The following ZC3H8 variants were observed in gnomAD, a reference collection of about 807,000 sequenced individuals.
ZC3H8 encodes the protein zinc finger CCCH-type containing 8, also known as zinc finger CCCH domain-containing protein 8.
In ZC3H8, 27 loss-of-function variants were observed where a neutral mutation model predicts 42.5. That is an observed-to-expected ratio of 0.64 (90% CI 0.47 to 0.88). ZC3H8 has a LOEUF of 0.88. Among genes scored for constraint, ZC3H8 ranks in the 40% least tolerant of loss-of-function variants. The pLI, the probability that ZC3H8 is intolerant of heterozygous loss-of-function variation, is 0.00. For synonymous variants in ZC3H8, 101 were observed against 110.1 expected (o/e 0.92, Z 0.52); for missense variants, 277 against 336.1 (o/e 0.82, Z 1.37).
chr2:112,232,979 AG>A (rs1685157403), intron 6 of ZC3H8, among the ~76,000 whole-genome samples: 1 of 152,224 alleles, frequency 6.6e-6, no homozygotes, highest in African/African-American at 2.4e-5. Context: ...GTGTCACAGT[AG>A]AAATTGTGAT....
In ZC3H8 at chr2:112,230,934, T is replaced by C; in HGVS notation, c.860A>G (p.Lys287Arg). 1 of 1,258,604 alleles carries C rather than the reference T, an allele frequency of 7.9e-7. No individual in the cohort carries two copies. Among genetic ancestry groups the C allele is most frequent in the Non-Finnish European group, 1.0e-6 (1 of 957,966 alleles). 78.0% of individuals were successfully genotyped at this position (1,258,604 alleles called of 1,614,324 possible). The change falls in exon 8 of 9, where the codon AAG becomes AGG. Residue 287 changes from lysine (K) to arginine (R), a missense_variant. By Grantham distance (26) the Lys-to-Arg change is conservative. Coordinates refer to ENST00000409573, the MANE Select transcript of ZC3H8 (RefSeq NM_032494.3). ...ELLAKVLDTE[K>R]KSCK ...ATGTCTATTTTATTTACATGACTTC[T>C]TTTCAGTATCCAAAACCTAATATAA...
intron 7 of ZC3H8, among the ~76,000 whole-genome samples, chr2:112,231,401 C>T (rs1166963410): frequency 6.6e-6 from 1 of 152,118 alleles, no homozygotes; most frequent in African/African-American, 2.4e-5. Flanking sequence ...TTTTCAATAA[C>T]CTTTTCTCAC....
Position 112,233,338 on chromosome 2 carries a change from T to C in ZC3H8, c.655A>G (p.Ile219Val). Residue 219 changes from isoleucine (I) to valine (V), a missense_variant, in exon 6 of 9, where the codon ATA becomes GTA. By Grantham distance (29) the Ile-to-Val change is conservative (BLOSUM62 3). Transcript: ENST00000409573. The part of the protein sequence containing the change: ...DQCKFDHDAE[I>V]EKKKEMCKFY... Reference sequence around the variant, plus strand: ...TTACACATTTCCTTTTTCTTTTCTATCTCTGCATCATGATCAAATTTACAC... The same window carrying C: ...TTACACATTTCCTTTTTCTTTTCTACCTCTGCATCATGATCAAATTTACAC... The C allele has an allele frequency of 6.3e-7, 1 of 1,596,342 alleles. No individual in the cohort carries two copies. Among genetic ancestry groups the C allele is most frequent in the Non-Finnish European group, 8.5e-7 (1 of 1,170,516 alleles).
chr2:112,223,046 G>A (rs1684657943), intron 8 of ZC3H8, among the ~76,000 whole-genome samples: 1 of 151,994 alleles, frequency 6.6e-6, no homozygotes, highest in African/African-American at 2.4e-5. Flanking sequence ...ACTCATAGGT[G>A]GGAATTGAAC....
chr2:112,236,779 G>A (rs1202220873), intron 3 of ZC3H8, 84 bp from the exon 4 acceptor site: 1 of 1,222,942 alleles, frequency 8.2e-7, no homozygotes, highest in Non-Finnish European at 1.1e-6. Flanking sequence ...AGGTGCAGTG[G>A]CTCATGTCTG....
intron 2 of ZC3H8, among the ~76,000 whole-genome samples, chr2:112,244,648 T>G (rs961470511): frequency 3.3e-5 from 5 of 152,244 alleles, no homozygotes; most frequent in African/African-American, 1.2e-4. Flanking sequence ...ATGTGTTCAC[T>G]CTGTGTCTCT....
chr2:112,223,594 G>A (rs568609123), intron 8 of ZC3H8, among the ~76,000 whole-genome samples: 1 of 152,124 alleles, frequency 6.6e-6, no homozygotes, highest in Admixed American at 6.5e-5. Context: ...GGGGCTACAA[G>A]CAAAATAGTA....
chr2:112,232,989 A>T (rs892896690), intron 6 of ZC3H8, among the ~76,000 whole-genome samples: 3 of 152,220 alleles, frequency 2.0e-5, no homozygotes, highest in Non-Finnish European at 4.4e-5. Flanking sequence ...AGAAATTGTG[A>T]TAAGTCTTTC....
chr2:112,215,633 TA>T lies in ZC3H8; in HGVS notation c.*850del, dbSNP rs1231092933. 2.0e-5 allele frequency: 3 copies of T among 152,322 alleles called. No homozygotes were observed. In the East Asian group the frequency reaches 5.8e-4, roughly 29 times the overall value. 9.4% of individuals were successfully genotyped at this position (152,322 alleles called of 1,614,324 possible). A position where few individuals can be genotyped will look rare whatever the true frequency, so the allele number is the denominator to read the frequency against. ...ATAATGACGAGTTTCCATTTCATGG[TA>T]TTTGTCTAATAATAACCAATAATCA... On this transcript the variant is annotated 3_prime_UTR_variant, in exon 9 of 9. Transcript: ENST00000409573.
At chr2:112,229,981 A>G (rs925142141) in intron 8 of ZC3H8, among the ~76,000 whole-genome samples, 35 of 152,002 alleles carry the variant, frequency 2.3e-4, no homozygotes, top group Non-Finnish European at 4.4e-4. Flanking sequence ...CGTCCACAAA[A>G]TGGGAGAAGG....
rs1344141523 is a variant in ZC3H8 at position 112,211,868 on chromosome 2, A to G, written c.*4616T>C. On this transcript the variant is annotated 3_prime_UTR_variant, in exon 9 of 9. Coordinates refer to ENST00000409573, the MANE Select transcript of ZC3H8 (RefSeq NM_032494.3). ...ACAGCACTTTTAAGATGAGTTGGGC[A>G]TCTTGTCCCTCCCTATCCAAACATA... The G allele has an allele frequency of 1.3e-5, 2 of 152,216 alleles. No individual in the cohort carries two copies. Among genetic ancestry groups the G allele is most frequent in the African/African-American group, 4.8e-5 (2 of 41,454 alleles). The allele number at this position is 152,216 out of a possible 1,614,324, so 9.4% of individuals were successfully genotyped here.
chr2:112,213,471 A>C lies in ZC3H8; in HGVS notation c.*3013T>G, dbSNP rs978412842. ...CTATATACTTGACCTATATTATCTC[A>C]CCAACAGATAAAAATTGAGTTCTGG... On this transcript the variant is annotated 3_prime_UTR_variant, in exon 9 of 9. Transcript: ENST00000409573. 1.4e-4 allele frequency: 22 copies of C among 151,936 alleles called. No individual in the cohort carries two copies. The highest frequency in any genetic ancestry group is 5.3e-4 in the African/African-American group (22 of 41,444). The allele number at this position is 151,936 out of a possible 1,614,324, so 9.4% of individuals were successfully genotyped here.
rs1193066562 is a variant in ZC3H8 at position 112,238,542 on chromosome 2, A to C, written c.157-14T>G. Reference sequence around the variant, plus strand: ...AGAGTGTCTAAACTAAGTAAAAATTAAAACTTCAATTTTAAAAACCTAGCA... The same window carrying C: ...AGAGTGTCTAAACTAAGTAAAAATTCAAACTTCAATTTTAAAAACCTAGCA... On this transcript the variant is annotated splice_polypyrimidine_tract_variant and intron_variant, in intron 2 of 8. Transcript: ENST00000409573. 15 of 1,582,292 alleles carry C rather than the reference A, an allele frequency of 9.5e-6. No individual in the cohort carries two copies. The highest frequency in any genetic ancestry group is 1.3e-5 in the Non-Finnish European group (15 of 1,168,708).
At chr2:112,231,009 A>T (rs1271647549) in intron 7 of ZC3H8, 59 bp from the exon 8 acceptor site, 1 of 1,056,166 alleles carries the variant, frequency 9.5e-7, no homozygotes, top group Non-Finnish European at 1.3e-6. Flanking sequence ...ATTCAGGTAT[A>T]CTGTCATATT....
intron 1 of ZC3H8, among the ~76,000 whole-genome samples, chr2:112,252,882 G>A (rs1344506760): frequency 6.6e-6 from 1 of 152,156 alleles, no homozygotes; most frequent in Non-Finnish European, 1.5e-5. Flanking sequence ...GGTGGCTCAC[G>A]CCTGTAATCC....
chr2:112,251,578 C>T (rs1685948899), intron 1 of ZC3H8, among the ~76,000 whole-genome samples: 1 of 152,212 alleles, frequency 6.6e-6, no homozygotes, highest in Non-Finnish European at 1.5e-5. Context: ...GATGCTTACT[C>T]TGTGCCAGAT....
At chr2:112,234,992 A>G (rs998656811) in intron 4 of ZC3H8, among the ~76,000 whole-genome samples, 1 of 152,156 alleles carries the variant, frequency 6.6e-6, no homozygotes, top group Non-Finnish European at 1.5e-5. Flanking sequence ...AAATTAACAC[A>G]CGCAACTAGA....
At position 112,234,192 on chromosome 2, in the gene ZC3H8, GA is replaced by G; in HGVS notation, c.548del (p.Phe183SerfsTer37). On this transcript the variant is annotated frameshift_variant, in exon 5 of 9. Coordinates refer to ENST00000409573, the MANE Select transcript of ZC3H8 (RefSeq NM_032494.3). LOFTEE classifies it high-confidence loss of function. ...KEKQQHLSQA[F>X]INQHTVERKG... ...TGCGTTCCACTGTATGTTGGTTGAT[GA>G]ATGCCTGACTCAAATGCTGCTGCTT... is the stretch of plus-strand genomic sequence containing the variant. 4 of 1,610,174 alleles carry G rather than the reference GA, an allele frequency of 2.5e-6. No individual in the cohort carries two copies. Among genetic ancestry groups the G allele is most frequent in the Non-Finnish European group, 3.4e-6 (4 of 1,178,672 alleles).
intron 8 of ZC3H8, among the ~76,000 whole-genome samples, chr2:112,219,339 G>C (rs576341572): frequency 6.6e-6 from 1 of 152,106 alleles, no homozygotes; most frequent in Admixed American, 6.6e-5. Flanking sequence ...AAGGAAGGAC[G>C]GTCTTTCAAC....
Sources: allele counts gnomAD v4.1 joint callset (sites outside exome capture counted in the v4.1 genomes callset), GRCh38; gene constraint gnomAD v4.1.1; transcripts MANE v1.5; gene names NCBI Gene and HGNC (gene_info 2026-07-23, HGNC 2026-07-21).